SPEF2: variants seen among roughly 807,000 people sequenced by gnomAD.
SPEF2 encodes the protein sperm flagellar and cilia associated 2.
Under a neutral mutation model 224.6 loss-of-function variants are expected in SPEF2, and 187 were observed. That is an observed-to-expected ratio of 0.83 (90% CI 0.74 to 0.94). The LOEUF is 0.94. Ranked by LOEUF, SPEF2 falls within the 40% of genes least tolerant of loss-of-function variation. The pLI, the probability that SPEF2 is intolerant of heterozygous loss-of-function variation, is 0.00. For synonymous variants in SPEF2, 715 were observed against 707.3 expected (o/e 1.01, Z -0.17); for missense variants, 2,170 against 2,135.6 (o/e 1.02, Z -0.32).
chr5:35,789,167 G>C (rs1349579537), intron 30 of SPEF2: 1 of 702,980 alleles, frequency 1.4e-6, no homozygotes, highest in Non-Finnish European at 2.6e-6. Flanking sequence ...GGCAGGCAGA[G>C]GCAAAAGTGA....
chr5:35,735,365 G>T (rs1163409232), intron 21 of SPEF2, among the ~76,000 whole-genome samples: 1 of 152,178 alleles, frequency 6.6e-6, no homozygotes, highest in Non-Finnish European at 1.5e-5. Context: ...CTGACAGGCT[G>T]CCATAAGAAA....
At chr5:35,646,531 G>A in intron 4 of SPEF2, 136 bp from the exon 5 acceptor site, 1 of 720,274 alleles carries the variant, frequency 1.4e-6, no homozygotes, top group South Asian at 2.3e-5. Flanking sequence ...ACACAGTTGT[G>A]ACACCTAGTC....
chr5:35,760,361 T>A (rs72738873), intron 25 of SPEF2, among the ~76,000 whole-genome samples: 161 of 2,768 alleles, frequency 0.058, 2 homozygotes, highest in East Asian at 0.24. Flanking sequence ...AGACTCCGTC[T>A]AAAAAAAAAA....
intron 23 of SPEF2, among the ~76,000 whole-genome samples, chr5:35,746,314 C>G (rs1411262966): frequency 6.6e-6 from 1 of 151,920 alleles, no homozygotes; most frequent in African/African-American, 2.4e-5. Context: ...GGATCCAAAC[C>G]AAGAAATCCC....
chr5:35,740,097 T>TA, intron 22 of SPEF2, 32 bp from the exon 23 acceptor site: 1 of 1,614,028 alleles, frequency 6.2e-7, no homozygotes, highest in Non-Finnish European at 8.5e-7. Context: ...GCATGACATA[T>TA]AAAATTTATC....
intron 14 of SPEF2, among the ~76,000 whole-genome samples, chr5:35,696,750 T>A (rs1026309814): frequency 6.6e-6 from 1 of 151,846 alleles, no homozygotes; most frequent in Non-Finnish European, 1.5e-5. Context: ...AAAGGAAACA[T>A]GGAGTGGAGG....
intron 6 of SPEF2, among the ~76,000 whole-genome samples, chr5:35,650,614 C>G (rs1748051776): frequency 6.6e-6 from 1 of 152,100 alleles, no homozygotes; most frequent in South Asian, 2.1e-4. Flanking sequence ...TTCCTGGGAC[C>G]CCTCAATTTC....
chr5:35,719,814 G>T (rs1038712031), intron 20 of SPEF2, among the ~76,000 whole-genome samples: 2 of 152,110 alleles, frequency 1.3e-5, no homozygotes, highest in East Asian at 3.9e-4. Context: ...TAGAGACAGG[G>T]TTTCACTGTG....
At chr5:35,703,598 TG>T (rs1364993709) in intron 16 of SPEF2, among the ~76,000 whole-genome samples, 1 of 151,130 alleles carries the variant, frequency 6.6e-6, no homozygotes, top group Non-Finnish European at 1.5e-5. Context: ...GCCTGGGGCT[TG>T]GGGGTTGGGA....
chr5:35,729,529 G>C (rs1377839087), intron 21 of SPEF2, among the ~76,000 whole-genome samples: 1 of 152,128 alleles, frequency 6.6e-6, no homozygotes, highest in Non-Finnish European at 1.5e-5. Context: ...AAGGGACATG[G>C]AAGATGTGCA....
chr5:35,705,717 G>A lies in SPEF2; in HGVS notation c.2574G>A (p.Leu858=), dbSNP rs766350165. The A allele has an allele frequency of 2.4e-5, 38 of 1,591,014 alleles. No homozygotes were observed. Among genetic ancestry groups the A allele is most frequent in the Non-Finnish European group, 3.2e-5 (37 of 1,171,402 alleles). ...GGTTTTCAGAGCCAGAAAATATTTT[G>A]ATAAAAATCAATGCTGAAATAGATA... ...EQWFSEPENI[L]IKINAEIDKE... The change falls in exon 18 of 37, where the codon TTG becomes TTA. Residue 858 remains leucine, a synonymous_variant. Coordinates refer to ENST00000356031, the MANE Select transcript of SPEF2 (RefSeq NM_024867.4).
intron 30 of SPEF2, among the ~76,000 whole-genome samples, chr5:35,787,179 G>C (rs10043724): frequency 0.47 from 71,088 of 151,548 alleles, 19,526 homozygotes; most frequent in African/African-American, 0.77. Context: ...AAAATTAGAC[G>C]TTTGGGGGAA....
At chr5:35,630,729 GA>G (rs1744984527) in intron 2 of SPEF2, among the ~76,000 whole-genome samples, 1 of 152,010 alleles carries the variant, frequency 6.6e-6, no homozygotes, top group African/African-American at 2.4e-5. Context: ...TCTTCCACCA[GA>G]AACCCTAAAT....
intron 26 of SPEF2, among the ~76,000 whole-genome samples, chr5:35,768,232 C>T (rs561139549): frequency 1.3e-4 from 20 of 152,114 alleles, no homozygotes; most frequent in African/African-American, 2.4e-4. Context: ...TTAGTGATGA[C>T]GTTAGTGACA....
intron 7 of SPEF2, among the ~76,000 whole-genome samples, chr5:35,656,543 AC>A (rs1472714804): frequency 3.3e-5 from 5 of 152,332 alleles, no homozygotes; most frequent in African/African-American, 1.2e-4. Context: ...AAGTTTCATT[AC>A]CTAGCAATGA....
At chr5:35,755,317 TA>T (rs1451566839) in intron 24 of SPEF2, among the ~76,000 whole-genome samples, 1 of 152,176 alleles carries the variant, frequency 6.6e-6, no homozygotes, top group African/African-American at 2.4e-5. Context: ...TCAAGTATTA[TA>T]AACAGTCGTG....
intron 20 of SPEF2, 90 bp downstream of exon 20, chr5:35,712,976 C>CAA: frequency 3.5e-6 from 4 of 1,134,474 alleles, no homozygotes; most frequent in South Asian, 1.5e-5. Context: ...TAGTAGTATA[C>CAA]ATTGACCACT....
At chr5:35,636,245 C>T (rs1432752043) in intron 2 of SPEF2, among the ~76,000 whole-genome samples, 1 of 152,184 alleles carries the variant, frequency 6.6e-6, no homozygotes, top group Non-Finnish European at 1.5e-5. Context: ...TCTTTCAACA[C>T]TTTGGACCAA....
chr5:35,699,388 C>T (rs1178323089), intron 15 of SPEF2: 3 of 152,170 alleles, frequency 2.0e-5, no homozygotes, highest in African/African-American at 7.2e-5. Flanking sequence ...CAAATTAAAA[C>T]AATAATTATT....
Sources: gnomAD v4.1 joint callset for allele counts (sites outside exome capture counted in the v4.1 genomes callset) on GRCh38, gnomAD v4.1.1 for gene constraint, MANE v1.5 for transcripts, NCBI Gene and HGNC (gene_info 2026-07-23, HGNC 2026-07-21) for gene names.